Variants in PIK3C3 observed in about 807,000 individuals in gnomAD.
The protein encoded by PIK3C3 is phosphatidylinositol 3-kinase catalytic subunit type 3.
In PIK3C3, 95 loss-of-function variants were observed where a neutral mutation model predicts 126.1. The ratio of observed to expected loss-of-function variants is 0.75; its 90% CI spans 0.64 to 0.89. PIK3C3 has a LOEUF of 0.89. Ranked by LOEUF, PIK3C3 falls within the 40% of genes least tolerant of loss-of-function variation. The probability of loss-of-function intolerance (pLI) is 0.00; values close to 1 mark genes in which losing one functional copy is unlikely to be tolerated. For synonymous variants in PIK3C3, 374 were observed against 360.0 expected (o/e 1.04, Z -0.44); for missense variants, 829 against 1,063.2 (o/e 0.78, Z 3.06).
chr18:42,050,024 AG>A (rs1410609399), intron 21 of PIK3C3: 1 of 152,350 alleles, frequency 6.6e-6, no homozygotes, highest in Non-Finnish European at 1.5e-5. Context: ...TAAATCAGAG[AG>A]TCTTAAAAAT....
chr18:41,985,202 A>G lies in PIK3C3; in HGVS notation c.532-2610A>G, dbSNP rs574983909. ...GTGAGACTACAAGAAAAAATTATTT[A>G]AATGTCTCTCAAGAAGATGATTTTG... is the stretch of plus-strand genomic sequence containing the variant. On this transcript the variant is annotated intron_variant, in intron 4 of 24. Transcript: ENST00000262039. The G allele has an allele frequency of 2.6e-5, 4 of 152,332 alleles. No individual in the cohort carries two copies. In the East Asian group the frequency reaches 7.7e-4, roughly 29 times the overall value. The allele number at this position is 152,332 out of a possible 1,614,324, so 9.4% of individuals were successfully genotyped here.
chr18:42,014,919 A>G (rs1567983993), intron 11 of PIK3C3, among the ~76,000 whole-genome samples: 1 of 152,094 alleles, frequency 6.6e-6, no homozygotes, highest in Non-Finnish European at 1.5e-5. Context: ...CTCACTCTAT[A>G]TTGGAGGTCT....
chr18:42,029,529 C>T (rs947388791), intron 15 of PIK3C3, 88 bp downstream of exon 15: 11 of 385,488 alleles, frequency 2.9e-5, no homozygotes, highest in South Asian at 8.8e-5. Flanking sequence ...TGGGTTGATA[C>T]GTGAATTTTT....
At chr18:41,967,381 A>T (rs923238446) in intron 3 of PIK3C3, among the ~76,000 whole-genome samples, 13 of 152,302 alleles carry the variant, frequency 8.5e-5, no homozygotes, top group Non-Finnish European at 1.8e-4. Flanking sequence ...AACTTAGGGA[A>T]ACGCTGCCTT....
At chr18:42,041,906 A>G (rs1489655752) in intron 19 of PIK3C3, among the ~76,000 whole-genome samples, 4 of 152,228 alleles carry the variant, frequency 2.6e-5, no homozygotes, top group African/African-American at 9.6e-5. Flanking sequence ...ACCTTGAGTG[A>G]ACTGGTTAAC....
rs1986313041 is a variant in PIK3C3 at position 42,083,271 on chromosome 18, C to CAGACTTT, written c.*2135_*2136insGACTTTA. On this transcript the variant is annotated 3_prime_UTR_variant, in exon 25 of 25. Transcript: ENST00000262039. ...TGTAGTCTGCATATTTCTTTATTATCATTGCCATGTGACTTCTTTGGTGAC... is the reference window on the plus strand; with the variant it reads ...TGTAGTCTGCATATTTCTTTATTATCAGACTTTATTGCCATGTGACTTCTTTGGTGAC... 6.6e-6 allele frequency: 1 copy of CAGACTTT among 151,970 alleles called. No individual in the cohort carries two copies. The highest frequency in any genetic ancestry group is 2.4e-5 in the African/African-American group (1 of 41,418). The allele number at this position is 151,970 out of a possible 1,614,324, so 9.4% of individuals were successfully genotyped here.
intron 22 of PIK3C3, among the ~76,000 whole-genome samples, chr18:42,060,058 AACCC>A (rs769440379): frequency 3.3e-5 from 5 of 152,090 alleles, no homozygotes; most frequent in Non-Finnish European, 5.9e-5. Flanking sequence ...TACAGACATA[AACCC>A]ATCGCACCTG....
At chr18:42,005,993 C>T (rs967857179) in intron 10 of PIK3C3, among the ~76,000 whole-genome samples, 3 of 151,022 alleles carry the variant, frequency 2.0e-5, no homozygotes, top group Admixed American at 6.6e-5. Flanking sequence ...AGGGGGCTCC[C>T]ATAACCCTCT....
intron 10 of PIK3C3, among the ~76,000 whole-genome samples, chr18:42,012,238 A>C (rs1328370980): frequency 1.3e-5 from 2 of 151,898 alleles, no homozygotes; most frequent in Non-Finnish European, 2.9e-5. Context: ...AGTTATGCCT[A>C]TAGTATTAAA....
chr18:41,974,004 G>A (rs1255985301), intron 4 of PIK3C3, among the ~76,000 whole-genome samples: 2 of 152,194 alleles, frequency 1.3e-5, no homozygotes, highest in South Asian at 2.1e-4. Flanking sequence ...CTTAATAATA[G>A]CAAAGCATTT....
chr18:42,080,736 C>T (rs1049870527), intron 24 of PIK3C3, among the ~76,000 whole-genome samples: 2 of 152,160 alleles, frequency 1.3e-5, no homozygotes, highest in African/African-American at 2.4e-5. Context: ...TACAGGTTTT[C>T]ACAGCCTCTC....
Position 41,955,360 on chromosome 18 carries a change from G to A in PIK3C3, c.68+1G>A. The A allele has an allele frequency of 6.2e-7, 1 of 1,612,360 alleles. No individual in the cohort carries two copies. Among genetic ancestry groups the A allele is most frequent in the Non-Finnish European group, 8.5e-7 (1 of 1,178,794 alleles). On this transcript the variant is annotated splice_donor_variant, in intron 1 of 24. Transcript: ENST00000262039. LOFTEE classifies it high-confidence loss of function. ...TGGATATCAACGTCCAGCTTAAGAT[G>A]TAAGAGAACACTCGGGACAGGGAGT...
Position 42,081,783 on chromosome 18 carries a change from T to G in PIK3C3, c.*646T>G, listed in dbSNP as rs1333233432. The G allele has an allele frequency of 6.6e-6, 1 of 152,260 alleles. No homozygotes were observed. Among genetic ancestry groups the G allele is most frequent in the African/African-American group, 2.4e-5 (1 of 41,476 alleles). 9.4% of individuals were successfully genotyped at this position (152,260 alleles called of 1,614,324 possible). A position where few individuals can be genotyped will look rare whatever the true frequency, so the allele number is the denominator to read the frequency against. On this transcript the variant is annotated 3_prime_UTR_variant, in exon 25 of 25. Coordinates refer to ENST00000262039, the MANE Select transcript of PIK3C3 (RefSeq NM_002647.4). ...AACTACAGTTAATAGTTCTTCTAGC[T>G]TGTAAGTGTGTAAAGTAGAATATGA...
intron 12 of PIK3C3, 130 bp from the exon 13 acceptor site, chr18:42,020,508 T>C (rs1983273379): frequency 3.3e-6 from 2 of 600,494 alleles, no homozygotes; most frequent in Non-Finnish European, 5.9e-6. Context: ...TAAGGATAGA[T>C]AAATGGCAGA....
At chr18:41,970,681 A>G in intron 4 of PIK3C3, 1 of 598,052 alleles carries the variant, frequency 1.7e-6, no homozygotes, top group South Asian at 2.1e-5. Flanking sequence ...TCACCACTAT[A>G]TAATTTTAGA....
chr18:42,029,203 G>T, intron 14 of PIK3C3, 122 bp from the exon 15 acceptor site: 2 of 640,724 alleles, frequency 3.1e-6, no homozygotes, highest in South Asian at 1.8e-5. Context: ...ATCTTTTTCA[G>T]TTTTGCTTTC....
rs1178890899 is a variant in PIK3C3, at chr18:42,043,754, C to T, written c.2125C>T (p.Pro709Ser). The change falls in exon 20 of 25, where the codon CCA (proline) becomes TCA (serine). Residue 709 changes from proline (P) to serine (S), a missense_variant. By Grantham distance (74) the Pro-to-Ser change is moderately conservative (BLOSUM62 -1). Around this residue, in one of 4 missense-constraint regions of PIK3C3, gnomAD observed 196 missense variants for 312.8 expected, o/e 0.63. Coordinates refer to ENST00000262039, the MANE Select transcript of PIK3C3 (RefSeq NM_002647.4). ...TCAGAACTTTTTTAGAAAATATGCA[C>T]CAAGTGAGAATGGGCCAAATGGGAT... ...SIQNFFRKYAPSENGPNGISA... is the reference protein window; with the variant it reads ...SIQNFFRKYASSENGPNGISA... The T allele has an allele frequency of 6.2e-7, 1 of 1,611,728 alleles. No individual in the cohort carries two copies. The highest frequency in any genetic ancestry group is 1.3e-5 in the African/African-American group (1 of 74,940).
chr18:41,961,223 T>C lies in PIK3C3; in HGVS notation c.258-1266T>C, dbSNP rs1002388772. Among the ~76,000 whole-genome samples the C allele has an allele frequency of 2.8e-4, 42 of 152,188 alleles. 1 individual carries two copies. Among genetic ancestry groups the C allele is most frequent in the Admixed American group, 2.7e-3 (42 of 15,280 alleles). ...ATTATCCAAAAAGAAATTTGGATAA[T>C]ATCCAAAACATTATTTTGGATGTTA... On this transcript the variant is annotated intron_variant, in intron 2 of 24. Transcript: ENST00000262039.
chr18:42,074,785 T>C (rs1985912595), intron 24 of PIK3C3, among the ~76,000 whole-genome samples: 1 of 152,140 alleles, frequency 6.6e-6, no homozygotes, highest in South Asian at 2.1e-4. Flanking sequence ...CTTCCCTTTT[T>C]ATGTAAATTG....
Sources: allele counts gnomAD v4.1 joint callset (sites outside exome capture counted in the v4.1 genomes callset), GRCh38; gene constraint gnomAD v4.1.1; regional missense constraint gnomAD v4.1.1; transcripts MANE v1.5; gene names NCBI Gene and HGNC (gene_info 2026-07-23, HGNC 2026-07-21).